The following IK variants were observed in gnomAD, a reference collection of about 807,000 sequenced individuals.
The protein encoded by IK is protein Red.
In IK, 47 loss-of-function variants were observed where a neutral mutation model predicts 90.9. That is an observed-to-expected ratio of 0.52 (90% CI 0.41 to 0.66). IK has a LOEUF of 0.66. Among genes scored for constraint, IK ranks in the 30% least tolerant of loss-of-function variants. The probability of loss-of-function intolerance (pLI) is 0.00; values close to 1 mark genes in which losing one functional copy is unlikely to be tolerated. For missense variants in IK, 385 were observed against 709.3 expected (o/e 0.54, Z 5.19); for synonymous variants, 201 against 227.5 (o/e 0.88, Z 1.05).
At chr5:140,653,440 C>T (rs1411257358) in intron 5 of IK, among the ~76,000 whole-genome samples, 6 of 151,300 alleles carry the variant, frequency 4.0e-5, no homozygotes, top group Non-Finnish European at 8.8e-5. Flanking sequence ...GCGCCCGCCA[C>T]CACGCCCGGC....
rs1465159354 is a variant in IK, at chr5:140,659,329, C to T, written c.1191C>T (p.Asp397=). 2.5e-6 allele frequency: 4 copies of T among 1,613,988 alleles called. No individual in the cohort carries two copies. In the South Asian group the frequency reaches 4.4e-5, roughly 18 times the overall value. The part of the protein sequence containing the change: ...PKVDDEPMDV[D]KGPGSTKELI... ...GTTCTTTCCAGCCCATGGACGTTGACAAAGGTGAGTTGTACACACAGCATC... is the reference window on the plus strand; with the variant it reads ...GTTCTTTCCAGCCCATGGACGTTGATAAAGGTGAGTTGTACACACAGCATC... Residue 397 remains aspartate, a synonymous_variant, in exon 13 of 20, where the codon GAC becomes GAT. Coordinates refer to ENST00000417647, the MANE Select transcript of IK (RefSeq NM_006083.4).
Position 140,658,924 on chromosome 5 carries a change from T to G in IK, c.951-15T>G, listed in dbSNP as rs138376330. 398 of 1,613,462 alleles carry G rather than the reference T, an allele frequency of 2.5e-4. No individual in the cohort carries two copies. The African/African-American group carries it at 4.9e-3, about 20-fold the overall frequency. ...ATGTGTGAATTTGGCCAGCTAGTGA[T>G]CTCCATTTTCCCAGTATTTTTGAAG... On this transcript the variant is annotated splice_polypyrimidine_tract_variant and intron_variant, in intron 11 of 19. Coordinates refer to ENST00000417647, the MANE Select transcript of IK (RefSeq NM_006083.4).
chr5:140,658,925 C>T lies in IK; in HGVS notation c.951-14C>T. Reference sequence around the variant, plus strand: ...TGTGTGAATTTGGCCAGCTAGTGATCTCCATTTTCCCAGTATTTTTGAAGA... The same window carrying T: ...TGTGTGAATTTGGCCAGCTAGTGATTTCCATTTTCCCAGTATTTTTGAAGA... On this transcript the variant is annotated splice_polypyrimidine_tract_variant and intron_variant, in intron 11 of 19. Coordinates refer to ENST00000417647, the MANE Select transcript of IK (RefSeq NM_006083.4). 1 of 1,613,456 alleles carries T rather than the reference C, an allele frequency of 6.2e-7. No individual in the cohort carries two copies. Among genetic ancestry groups the T allele is most frequent in the Non-Finnish European group, 8.5e-7 (1 of 1,179,524 alleles).
In IK at chr5:140,654,545, A is replaced by G. The variant is rs767538550; in HGVS notation, c.549A>G (p.Lys183=). The G allele has an allele frequency of 1.3e-5, 21 of 1,591,116 alleles. No individual in the cohort carries two copies. Among genetic ancestry groups the G allele is most frequent in the Non-Finnish European group, 1.8e-5 (21 of 1,168,130 alleles). The change falls in exon 7 of 20, where the codon AAA becomes AAG. Residue 183 remains lysine (K), a synonymous_variant. Coordinates refer to ENST00000417647, the MANE Select transcript of IK (RefSeq NM_006083.4). ...GAGCTGAGATTGCCAGCAAAGAGAA[A>G]GAGGAAGAGGAACTGATGGAAAAGC... ...KVRAEIASKE[K]EEEELMEKPQ... is the part of the protein sequence containing the mutation.
At chr5:140,662,071 C>G in intron 18 of IK, 64 bp downstream of exon 18, 2 of 1,570,408 alleles carry the variant, frequency 1.3e-6, no homozygotes. Context: ...CCTGCAGATT[C>G]AGGAACAGGC....
Position 140,659,083 on chromosome 5 carries a change from A to G in IK, c.1095A>G (p.Glu365=), listed in dbSNP as rs1425145401. The change falls in exon 12 of 20, where the codon GAA becomes GAG. Residue 365 remains glutamate, a synonymous_variant. Transcript: ENST00000417647. ...AGCGAGAGCGAGAACGAGATCGGGA[A>G]CGAGAGCGAGAGCGGGACCGAGAGA... ...DRERERERDR[E]RERERDRERE... is the part of the protein sequence containing the mutation. The G allele has an allele frequency of 1.2e-6, 2 of 1,612,998 alleles. No homozygotes were observed. The highest frequency in any genetic ancestry group is 2.7e-5 in the African/African-American group (2 of 74,856).
chr5:140,659,275 C>G (rs758021952), intron 12 of IK, 40 bp from the exon 13 acceptor site: 44 of 1,613,682 alleles, frequency 2.7e-5, no homozygotes, highest in Non-Finnish European at 3.7e-5. Flanking sequence ...GTAGGAATCT[C>G]TCATGGTAAC....
chr5:140,660,124 G>C lies in IK; in HGVS notation c.1284G>C (p.Lys428Asn). 6.2e-7 allele frequency: 1 copy of C among 1,613,412 alleles called. No homozygotes were observed. Among genetic ancestry groups the C allele is most frequent in the Non-Finnish European group, 8.5e-7 (1 of 1,179,462 alleles). Residue 428 changes from lysine to asparagine, a missense_variant, in exon 15 of 20, where the codon AAG becomes AAC. By Grantham distance (94) the Lys-to-Asn change is moderately conservative. Around this residue, in one of 8 missense-constraint regions of IK, gnomAD observed 139 missense variants for 172.0 expected, o/e 0.81. Coordinates refer to ENST00000417647, the MANE Select transcript of IK (RefSeq NM_006083.4). Reference sequence around the variant, plus strand: ...CTTTAACATAGCATATGCTGAAGAAGCCAGAAGACAAAAAGCAGCTGGGAG... The same window carrying C: ...CTTTAACATAGCATATGCTGAAGAACCCAGAAGACAAAAAGCAGCTGGGAG... ...AGWEGTESLK[K>N]PEDKKQLGDF...
intron 2 of IK, among the ~76,000 whole-genome samples, chr5:140,650,821 C>T (rs545198541): frequency 1.3e-5 from 2 of 152,158 alleles, no homozygotes; most frequent in East Asian, 1.9e-4. Context: ...TCGGGTGATC[C>T]GCCTGCGTCA....
chr5:140,653,236 A>T, intron 5 of IK, 92 bp downstream of exon 5: 1 of 1,122,110 alleles, frequency 8.9e-7, no homozygotes, highest in Non-Finnish European at 1.3e-6. Flanking sequence ...CCTGCCCTGG[A>T]GCCTACAATA....
At position 140,661,158 on chromosome 5, in the gene IK, A is replaced by G; in HGVS notation, c.1413+343A>G. On this transcript the variant is annotated intron_variant, in intron 16 of 19. Transcript: ENST00000417647. The surrounding 1 kb of genome is among the most constrained non-coding windows in gnomAD (Gnocchi z 4.2). ...ATAACTAAATTTTATTCTAGCCAGG[A>G]TTGAAGTTTTCCTCTAAGTCTTAAG... 3.3e-6 allele frequency: 1 copy of G among 300,360 alleles called. No individual in the cohort carries two copies. Among genetic ancestry groups the G allele is most frequent in the Admixed American group, 4.8e-5 (1 of 20,832 alleles). 18.6% of individuals were successfully genotyped at this position (300,360 alleles called of 1,614,324 possible). A position where few individuals can be genotyped will look rare whatever the true frequency, so the allele number is the denominator to read the frequency against.
chr5:140,662,265 T>A lies in IK; in HGVS notation c.1647-37T>A, dbSNP rs968785319. ...GGACTGGTGGGAATTGCTTAGTGTA[T>A]TGATCTTATACTGACCCATTTCTCC... On this transcript the variant is annotated intron_variant, in intron 19 of 19. Coordinates refer to ENST00000417647, the MANE Select transcript of IK (RefSeq NM_006083.4). 3 of 1,613,888 alleles carry A rather than the reference T, an allele frequency of 1.9e-6. No individual in the cohort carries two copies. The Admixed American group carries it at 5.0e-5, about 27-fold the overall frequency.
intron 2 of IK, chr5:140,648,867 C>T (rs1344292499): frequency 6.8e-6 from 2 of 295,070 alleles, no homozygotes; most frequent in Non-Finnish European, 1.3e-5. Flanking sequence ...GACTGAGTTT[C>T]GCTCTTGTTG....
chr5:140,660,890 T>C, intron 16 of IK, 75 bp downstream of exon 16: 1 of 1,142,486 alleles, frequency 8.8e-7, no homozygotes. Context: ...TCCCCACTCC[T>C]AAAAAATCTA....
At position 140,661,366 on chromosome 5, in the gene IK, A is replaced by C; in HGVS notation, c.1414-254A>C. 2.3e-6 allele frequency: 1 copy of C among 436,470 alleles called. No homozygotes were observed. The highest frequency in any genetic ancestry group is 2.8e-5 in the South Asian group (1 of 36,340). The allele number at this position is 436,470 out of a possible 1,614,324, so 27.0% of individuals were successfully genotyped here. A position where few individuals can be genotyped will look rare whatever the true frequency, so the allele number is the denominator to read the frequency against. Reference sequence around the variant, plus strand: ...TCACTGTTTATGCCTCAGTTTCCTCATCAGGAAAATGGAGAGAAATATAGT... The same window carrying C: ...TCACTGTTTATGCCTCAGTTTCCTCCTCAGGAAAATGGAGAGAAATATAGT... On this transcript the variant is annotated intron_variant, in intron 16 of 19. Transcript: ENST00000417647. The surrounding 1 kb of genome is among the most constrained non-coding windows in gnomAD (Gnocchi z 4.2).
At chr5:140,660,638 C>CT in intron 15 of IK, 120 bp from the exon 16 acceptor site, 5 of 712,758 alleles carry the variant, frequency 7.0e-6, no homozygotes, top group Non-Finnish European at 1.2e-5. Context: ...TTATTAGGCT[C>CT]TAAGTGGGAG....
intron 14 of IK, 36 bp from the exon 15 acceptor site, chr5:140,660,079 A>G: frequency 6.4e-7 from 1 of 1,571,326 alleles, no homozygotes; most frequent in South Asian, 1.1e-5. Context: ...AGCAATAGGT[A>G]GAATCCTGTG....
intron 2 of IK, among the ~76,000 whole-genome samples, chr5:140,649,478 G>T (rs187117084): frequency 6.6e-6 from 1 of 152,028 alleles, no homozygotes; most frequent in Admixed American, 6.5e-5. Flanking sequence ...GCCTCCTAAA[G>T]TGCTGGCATT....
intron 5 of IK, 77 bp downstream of exon 5, chr5:140,653,221 A>C: frequency 7.6e-7 from 1 of 1,313,604 alleles, no homozygotes; most frequent in Non-Finnish European, 1.1e-6. Context: ...TCTTCCTCTT[A>C]CTTTCCTGCC....
Sources: gnomAD v4.1 joint callset for allele counts (sites outside exome capture counted in the v4.1 genomes callset) on GRCh38, gnomAD v4.1.1 for gene constraint, gnomAD v4.1.1 regional missense constraint, Gnocchi (gnomAD v3.1) non-coding constraint, MANE v1.5 for transcripts, NCBI Gene and HGNC (gene_info 2026-07-23, HGNC 2026-07-21) for gene names.